SNX11: variants seen among roughly 807,000 people sequenced by gnomAD.
SNX11 encodes sorting nexin 11.
SNX11 carries 19 observed loss-of-function variants against 30.7 expected under a neutral mutation model. The observed-to-expected ratio is 0.62, with a 90% CI of 0.43 to 0.91. The LOEUF (loss-of-function observed/expected upper bound fraction) is 0.91. SNX11 is among the 40% of genes least tolerant of loss of function. SNX11 has a pLI of 0.00. For synonymous variants in SNX11, 112 were observed against 119.0 expected (o/e 0.94, Z 0.38); for missense variants, 302 against 326.7 (o/e 0.92, Z 0.58).
In SNX11 at chr17:48,121,416, A is replaced by T. The variant is rs74342328; in HGVS notation, c.721A>T (p.Thr241Ser). ...TGATTTTGGAAGACCCAAAGAGGGA[A>T]CCTCCACTCTTCAGTCTGTGAGGAG... ...CCDFGRPKEGTSTLQSVRRAV... is the reference protein window; with the variant it reads ...CCDFGRPKEGSSTLQSVRRAV... Residue 241 changes from threonine to serine, a missense_variant, in exon 7 of 7, where the codon ACC becomes TCC. Transcript: ENST00000359238. The T allele has an allele frequency of 1.2e-6, 2 of 1,613,874 alleles. No homozygotes were observed. The highest frequency in any genetic ancestry group is 1.7e-6 in the Non-Finnish European group (2 of 1,179,984).
In SNX11 at chr17:48,121,460, T is replaced by C. The variant is rs1397452573; in HGVS notation, c.765T>C (p.His255=). The change falls in exon 7 of 7, where the codon CAT becomes CAC. Residue 255 remains histidine, a synonymous_variant. Transcript: ENST00000359238. ...TGAGGAGGGCTGTGGGAGGAGATCA[T>C]GCTGTGCCTTTGGACCCTGGTCAGT... ...QSVRRAVGGD[H]AVPLDPGQLE... is the part of the protein sequence containing the mutation. The C allele has an allele frequency of 6.2e-7, 1 of 1,614,100 alleles. No homozygotes were observed. The highest frequency in any genetic ancestry group is 1.7e-5 in the Admixed American group (1 of 60,022).
chr17:48,108,583 A>G (rs1370089647), intron 1 of SNX11, among the ~76,000 whole-genome samples: 3 of 152,250 alleles, frequency 2.0e-5, no homozygotes, highest in Non-Finnish European at 4.4e-5. Context: ...AAGCTTTACG[A>G]TGAATCTACT....
chr17:48,120,344 T>A (rs1427981079), intron 6 of SNX11, among the ~76,000 whole-genome samples: 1 of 149,662 alleles, frequency 6.7e-6, no homozygotes, highest in African/African-American at 2.5e-5. Flanking sequence ...GTAGCTGGGA[T>A]TACAGGCACC....
chr17:48,119,237 G>T, intron 6 of SNX11, 51 bp downstream of exon 6: 1 of 1,345,500 alleles, frequency 7.4e-7, no homozygotes. Flanking sequence ...CTATAACCTG[G>T]ACCAGAGAGG....
At position 48,119,126 on chromosome 17, in the gene SNX11, G is replaced by C; in HGVS notation, c.479G>C (p.Gly160Ala). 3 of 1,614,134 alleles carry C rather than the reference G, an allele frequency of 1.9e-6. No individual in the cohort carries two copies. The highest frequency in any genetic ancestry group is 2.5e-6 in the Non-Finnish European group (3 of 1,180,042). ...CTTCGATATGCTATGTCAAACTGTG[G>C]CTGGGCCCAGGAAGAGAGGCAGAGC... ...AILRYAMSNCGWAQEERQSSS... is the reference protein window; with the variant it reads ...AILRYAMSNCAWAQEERQSSS... The change falls in exon 6 of 7, where the codon GGC becomes GCC. Residue 160 changes from glycine (G) to alanine (A), a missense_variant. Physicochemically the swap from Gly to Ala is moderately conservative, Grantham distance 60. Coordinates refer to ENST00000359238, the MANE Select transcript of SNX11 (RefSeq NM_013323.3).
intron 6 of SNX11, 65 bp from the exon 7 acceptor site, chr17:48,121,170 A>G (rs2063597053): frequency 1.3e-6 from 2 of 1,533,690 alleles, no homozygotes; most frequent in Non-Finnish European, 1.8e-6. Context: ...TTTTGTAGAG[A>G]CGGAGTCTCC....
chr17:48,119,270 A>C, intron 6 of SNX11, 84 bp downstream of exon 6: 1 of 1,037,938 alleles, frequency 9.6e-7, no homozygotes, highest in East Asian at 2.4e-5. Context: ...AGGGAAAGTA[A>C]TGTCATAGCA....
chr17:48,112,843 G>C (rs1005137548), intron 3 of SNX11, 183 bp downstream of exon 3: 4 of 351,758 alleles, frequency 1.1e-5, no homozygotes, highest in Non-Finnish European at 2.1e-5. Flanking sequence ...TGATTCTCCT[G>C]CCTCAGCCTC....
At chr17:48,113,454 T>G (rs2063511241) in intron 4 of SNX11, 53 bp downstream of exon 4, 12 of 1,295,268 alleles carry the variant, frequency 9.3e-6, no homozygotes, top group Non-Finnish European at 1.3e-5. Context: ...TTTGGGTGCT[T>G]ATGTAGGAAC....
At chr17:48,110,985 A>C in intron 1 of SNX11, 2 of 562,464 alleles carry the variant, frequency 3.6e-6, no homozygotes, top group Non-Finnish European at 4.5e-6. Flanking sequence ...GTCGCTATAC[A>C]CGTGAACTGC....
intron 3 of SNX11, among the ~76,000 whole-genome samples, 200 bp from the exon 4 acceptor site, chr17:48,113,101 G>A (rs1469019507): frequency 1.3e-5 from 2 of 152,062 alleles, no homozygotes; most frequent in African/African-American, 4.8e-5. Flanking sequence ...AGAAAGGGAG[G>A]GAGGAAAGGA....
At position 48,121,302 on chromosome 17, in the gene SNX11, C is replaced by T. The variant is rs1491000205; in HGVS notation, c.607C>T (p.His203Tyr). 6.2e-7 allele frequency: 1 copy of T among 1,614,144 alleles called. No individual in the cohort carries two copies. Residue 203 changes from histidine (H) to tyrosine (Y), a missense_variant, in exon 7 of 7, where the codon CAT (histidine) becomes TAT (tyrosine). By Grantham distance (83) the His-to-Tyr change is moderately conservative. Coordinates refer to ENST00000359238, the MANE Select transcript of SNX11 (RefSeq NM_013323.3). ...PSPPPSEEKDHLEVWAPVVDS... is the reference protein window; with the variant it reads ...PSPPPSEEKDYLEVWAPVVDS... The stretch of plus-strand genomic sequence containing the variant: ...ACCGCCTCCCAGTGAAGAAAAGGAC[C>T]ATTTAGAAGTGTGGGCTCCAGTTGT...
rs1567782687 is a variant in SNX11 at position 48,123,548 on chromosome 17, T to C, written c.*2040T>C. Among the ~76,000 whole-genome samples, 1 of 152,144 alleles carries C rather than the reference T, an allele frequency of 6.6e-6. No individual in the cohort carries two copies. Among genetic ancestry groups the C allele is most frequent in the Non-Finnish European group, 1.5e-5 (1 of 68,026 alleles). On this transcript the variant is annotated 3_prime_UTR_variant, in exon 7 of 7. Coordinates refer to ENST00000359238, the MANE Select transcript of SNX11 (RefSeq NM_013323.3). ...AGCAGGAGCCATTCAAAGACATGGA[T>C]GTGATTTTTCTGACTCCCAGCTTTT...
chr17:48,121,603 G>T lies in SNX11; in HGVS notation c.*95G>T, dbSNP rs553218152. On this transcript the variant is annotated 3_prime_UTR_variant, in exon 7 of 7. Transcript: ENST00000359238. ...ACAGGGCAGGTATGTGGGAGGCTGG[G>T]CTGCTTAGTGTCTTCTAGTCACCTC... The T allele has an allele frequency of 2.8e-4, 379 of 1,347,234 alleles. 2 individuals carry two copies. The South Asian group carries it at 4.0e-3, about 14-fold the overall frequency. 83.5% of individuals were successfully genotyped at this position (1,347,234 alleles called of 1,614,324 possible).
chr17:48,114,460 T>C (rs1009258146), intron 4 of SNX11, among the ~76,000 whole-genome samples: 4 of 146,646 alleles, frequency 2.7e-5, no homozygotes, highest in Admixed American at 6.8e-5. Flanking sequence ...AGGCCTTCTT[T>C]TTTTTTTTTT....
At chr17:48,115,948 T>C (rs997091261) in intron 4 of SNX11, among the ~76,000 whole-genome samples, 2 of 151,396 alleles carry the variant, frequency 1.3e-5, no homozygotes, top group African/African-American at 2.4e-5. Flanking sequence ...TCTTTCTTTT[T>C]TTTTTTTTTT....
chr17:48,115,133 C>T (rs1287942570), intron 4 of SNX11, among the ~76,000 whole-genome samples: 1 of 145,830 alleles, frequency 6.9e-6, no homozygotes, highest in African/African-American at 2.6e-5. Context: ...GTGATCTCGG[C>T]TCACTGCTAC....
intron 4 of SNX11, among the ~76,000 whole-genome samples, chr17:48,115,296 A>G (rs1444563164): frequency 2.7e-5 from 4 of 149,902 alleles, no homozygotes; most frequent in South Asian, 2.1e-4. Flanking sequence ...TCCCAACCTC[A>G]GGCAATCCGC....
chr17:48,111,534 C>A (rs886558197), intron 1 of SNX11, among the ~76,000 whole-genome samples: 18 of 151,902 alleles, frequency 1.2e-4, no homozygotes, highest in African/African-American at 4.4e-4. Flanking sequence ...GTAATCCCAG[C>A]TACTCGGGAG....
Sources: allele counts gnomAD v4.1 joint callset (sites outside exome capture counted in the v4.1 genomes callset), GRCh38; gene constraint gnomAD v4.1.1; transcripts MANE v1.5; gene names NCBI Gene and HGNC (gene_info 2026-07-23, HGNC 2026-07-21).